The following CNTNAP2 variants were observed in gnomAD, a reference collection of about 807,000 sequenced individuals.
CNTNAP2 encodes the protein contactin-associated protein-like 2.
In CNTNAP2, 98 loss-of-function variants were observed where a neutral mutation model predicts 155.2. The observed-to-expected ratio is 0.63, with a 90% CI of 0.54 to 0.75. The LOEUF is 0.75. CNTNAP2 is among the 30% of genes least tolerant of loss of function. CNTNAP2 has a pLI of 0.00. For synonymous variants in CNTNAP2, 651 were observed against 631.2 expected (o/e 1.03, Z -0.47); for missense variants, 1,727 against 1,688.1 (o/e 1.02, Z -0.40).
intron 1 of CNTNAP2, among the ~76,000 whole-genome samples, chr7:146,582,777 C>T (rs955561214): frequency 6.6e-6 from 1 of 151,902 alleles, no homozygotes; most frequent in Non-Finnish European, 1.5e-5. Context: ...GCACAATGAA[C>T]CTTCCCTATC....
At chr7:146,295,241 C>A (rs1013631498) in intron 1 of CNTNAP2, among the ~76,000 whole-genome samples, 7 of 152,110 alleles carry the variant, frequency 4.6e-5, no homozygotes. Flanking sequence ...AAATCCAGGA[C>A]TATTATTTGT....
intron 18 of CNTNAP2, among the ~76,000 whole-genome samples, chr7:148,187,438 G>A (rs1385430018): frequency 6.6e-6 from 1 of 152,168 alleles, no homozygotes; most frequent in Non-Finnish European, 1.5e-5. Flanking sequence ...TGAAATTCAT[G>A]CTTTGAATTA....
At chr7:146,590,017 T>C (rs1267592983) in intron 1 of CNTNAP2, among the ~76,000 whole-genome samples, 1 of 152,208 alleles carries the variant, frequency 6.6e-6, no homozygotes, top group Non-Finnish European at 1.5e-5. Flanking sequence ...GTCTTCTGAC[T>C]CTGTCTACGG....
chr7:146,550,105 G>C (rs1206638064), intron 1 of CNTNAP2, among the ~76,000 whole-genome samples: 2 of 152,002 alleles, frequency 1.3e-5, no homozygotes, highest in African/African-American at 4.8e-5. Context: ...GATTAAACTT[G>C]GATTGATTAA....
intron 15 of CNTNAP2, among the ~76,000 whole-genome samples, chr7:148,019,676 C>T (rs112250162): frequency 0.024 from 3,655 of 151,984 alleles, 173 homozygotes; most frequent in African/African-American, 0.083. Context: ...ATGCTGGTCT[C>T]GAACTCCTGG....
Position 146,911,433 on chromosome 7 carries a change from T to G in CNTNAP2, c.402+71529T>G, listed in dbSNP as rs568975701. 2.0e-3 allele frequency among the ~76,000 whole-genome samples: 304 copies of G among 151,972 alleles called. 3 individuals carry two copies. Among genetic ancestry groups the G allele is most frequent in the African/African-American group, 5.8e-3 (240 of 41,428 alleles). ...AATGTCCAACAATGATAGACTGGAT[T>G]AAGAAAATGTGGCACATATACACCA... On this transcript the variant is annotated intron_variant, in intron 3 of 23. Transcript: ENST00000361727.
At position 148,363,384 on chromosome 7, in the gene CNTNAP2, A is replaced by G. The variant is rs190817091; in HGVS notation, c.3476-20265A>G. ...CATTTAAGGTAGGGTGTGTTTGGTA[A>G]GTTGAGTGTATTAAATGCACTTTTA... is the stretch of plus-strand genomic sequence containing the variant. On this transcript the variant is annotated intron_variant, in intron 21 of 23. Coordinates refer to ENST00000361727, the MANE Select transcript of CNTNAP2 (RefSeq NM_014141.6). Among the ~76,000 whole-genome samples, 15 of 152,354 alleles carry G rather than the reference A, an allele frequency of 9.8e-5. 1 individual carries two copies. Among genetic ancestry groups the G allele is most frequent in the African/African-American group, 3.6e-4 (15 of 41,588 alleles).
At chr7:148,293,144 T>G (rs1300299329) in intron 21 of CNTNAP2, among the ~76,000 whole-genome samples, 1 of 152,238 alleles carries the variant, frequency 6.6e-6, no homozygotes, top group Non-Finnish European at 1.5e-5. Flanking sequence ...TCTAATGCTT[T>G]CTTTTTCTTT....
At chr7:147,689,404 C>A (rs989604312) in intron 13 of CNTNAP2, among the ~76,000 whole-genome samples, 1 of 152,154 alleles carries the variant, frequency 6.6e-6, no homozygotes, top group East Asian at 1.9e-4. Flanking sequence ...CCACCTCAGC[C>A]TCCCAAAGTG....
intron 9 of CNTNAP2, among the ~76,000 whole-genome samples, chr7:147,308,434 A>G (rs758345966): frequency 2.6e-5 from 4 of 152,208 alleles, no homozygotes; most frequent in Non-Finnish European, 5.9e-5. Flanking sequence ...ACTAGATTGT[A>G]GCAGTGGAGC....
At chr7:147,342,743 A>G (rs142480415) in intron 9 of CNTNAP2, among the ~76,000 whole-genome samples, 1 of 152,278 alleles carries the variant, frequency 6.6e-6, no homozygotes, top group African/African-American at 2.4e-5. Context: ...ACAATCAGAA[A>G]TACAAGCCAC....
intron 15 of CNTNAP2, among the ~76,000 whole-genome samples, chr7:148,018,637 T>C (rs1428444892): frequency 1.3e-5 from 2 of 152,206 alleles, no homozygotes; most frequent in South Asian, 2.1e-4. Context: ...AGCATCCTTT[T>C]ACTCGGTAGC....
chr7:147,341,090 G>A (rs1525207), intron 9 of CNTNAP2, among the ~76,000 whole-genome samples: 1,674 of 140,358 alleles, frequency 0.012, 6 homozygotes, highest in Non-Finnish European at 0.019. Context: ...GTGTGTGTGT[G>A]TATATATATA....
chr7:146,242,325 G>T (rs891767219), intron 1 of CNTNAP2, among the ~76,000 whole-genome samples: 3 of 152,106 alleles, frequency 2.0e-5, no homozygotes, highest in African/African-American at 7.2e-5. Context: ...TGATCAAGAG[G>T]TCAGGAGTTC....
chr7:147,668,836 G>A (rs118089518), intron 13 of CNTNAP2, among the ~76,000 whole-genome samples: 6,144 of 152,094 alleles, frequency 0.04, 138 homozygotes, highest in Middle Eastern at 0.13. Flanking sequence ...AGTGCTTCTG[G>A]CATCTACAGT....
intron 21 of CNTNAP2, among the ~76,000 whole-genome samples, chr7:148,301,306 A>AAAAAAATAT: frequency 2.1e-4 from 22 of 103,842 alleles, no homozygotes; most frequent in African/African-American, 4.5e-4. Context: ...AAAAAAAAAA[A>AAAAAAATAT]ATATATATAT....
chr7:146,442,083 A>G (rs2030845), intron 1 of CNTNAP2, among the ~76,000 whole-genome samples: 11,958 of 151,410 alleles, frequency 0.079, 723 homozygotes, highest in African/African-American at 0.094. Flanking sequence ...TTGTTTGTGT[A>G]TATTTCTGTG....
At chr7:147,998,816 T>G (rs1801851820) in intron 15 of CNTNAP2, among the ~76,000 whole-genome samples, 1 of 152,184 alleles carries the variant, frequency 6.6e-6, no homozygotes, top group Non-Finnish European at 1.5e-5. Flanking sequence ...GAAGATAGTC[T>G]GTAGACAGTG....
intron 20 of CNTNAP2, among the ~76,000 whole-genome samples, chr7:148,245,805 A>G (rs1431197782): frequency 2.0e-5 from 3 of 152,128 alleles, no homozygotes; most frequent in African/African-American, 7.2e-5. Flanking sequence ...ACACACACTC[A>G]GTGCACACAA....
Sources: gnomAD v4.1 joint callset for allele counts (sites outside exome capture counted in the v4.1 genomes callset) on GRCh38, gnomAD v4.1.1 for gene constraint, MANE v1.5 for transcripts, NCBI Gene and HGNC (gene_info 2026-07-23, HGNC 2026-07-21) for gene names.